LRBA: variants seen among roughly 807,000 people sequenced by gnomAD.
The protein encoded by LRBA is LPS responsive beige-like anchor protein, also known as lipopolysaccharide-responsive and beige-like anchor protein.
A neutral mutation model predicts 330.0 loss-of-function variants in LRBA; 176 were observed. The observed-to-expected ratio is 0.53, with a 90% CI of 0.47 to 0.60. The LOEUF is 0.60. LRBA is among the 20% of genes least tolerant of loss of function. The probability of loss-of-function intolerance (pLI) is 0.00; values close to 1 mark genes in which losing one functional copy is unlikely to be tolerated. For synonymous variants in LRBA, 1,230 were observed against 1,193.0 expected, an observed-to-expected ratio of 1.03 and a Z score of -0.64; for missense variants, 3,259 against 3,444.8, an observed-to-expected ratio of 0.95 and a Z score of 1.35.
chr4:150,643,036 T>C (rs1778827858), intron 37 of LRBA, among the ~76,000 whole-genome samples: 1 of 151,934 alleles, frequency 6.6e-6, no homozygotes, highest in Admixed American at 6.6e-5. Flanking sequence ...ATTTTGTACA[T>C]AGACTCTCTT....
At chr4:150,325,386 A>G (rs1370795480) in intron 49 of LRBA, among the ~76,000 whole-genome samples, 1 of 152,176 alleles carries the variant, frequency 6.6e-6, no homozygotes, top group Non-Finnish European at 1.5e-5. Flanking sequence ...TTCAGTAACA[A>G]TATCTTATGT....
At chr4:150,801,737 G>C (rs1287029258) in intron 33 of LRBA, among the ~76,000 whole-genome samples, 4 of 152,068 alleles carry the variant, frequency 2.6e-5, no homozygotes, top group Non-Finnish European at 5.9e-5. Flanking sequence ...AGTCCTTCCT[G>C]CTAAATAACA....
At chr4:150,804,179 A>G (rs1742202689) in intron 33 of LRBA, among the ~76,000 whole-genome samples, 1 of 152,170 alleles carries the variant, frequency 6.6e-6, no homozygotes, top group African/African-American at 2.4e-5. Flanking sequence ...AAAGTCATTC[A>G]TTACTTCATC....
chr4:150,266,751 T>C (rs1745391630), intron 56 of LRBA, among the ~76,000 whole-genome samples: 1 of 152,116 alleles, frequency 6.6e-6, no homozygotes, highest in African/African-American at 2.4e-5. Context: ...GATTAAATTC[T>C]CCAGCCAAAA....
chr4:150,283,466 T>G (rs559856850), intron 54 of LRBA, among the ~76,000 whole-genome samples: 1 of 152,204 alleles, frequency 6.6e-6, no homozygotes, highest in Non-Finnish European at 1.5e-5. Flanking sequence ...TTCCAAGAGA[T>G]AGTCAGATAA....
chr4:150,926,627 A>C (rs1733912397), intron 4 of LRBA, among the ~76,000 whole-genome samples: 1 of 152,216 alleles, frequency 6.6e-6, no homozygotes. Context: ...AAAGGAGCAA[A>C]ATCAATGAGT....
At chr4:150,504,742 G>A (rs1256956946) in intron 40 of LRBA, among the ~76,000 whole-genome samples, 9 of 152,032 alleles carry the variant, frequency 5.9e-5, no homozygotes, top group Admixed American at 6.6e-5. Flanking sequence ...CACACATAAC[G>A]ACATTAACTT....
intron 54 of LRBA, among the ~76,000 whole-genome samples, chr4:150,283,133 C>T (rs1418288498): frequency 6.6e-6 from 1 of 152,224 alleles, no homozygotes; most frequent in Non-Finnish European, 1.5e-5. Flanking sequence ...CCTTAGCCCT[C>T]TTCCCCCGCA....
intron 36 of LRBA, among the ~76,000 whole-genome samples, chr4:150,716,514 C>T (rs1403002984): frequency 2.0e-5 from 3 of 152,166 alleles, no homozygotes; most frequent in Admixed American, 2.0e-4. Context: ...CGAAGATAAA[C>T]AGATGTTCAA....
chr4:150,911,187 C>A (rs1010946949), intron 9 of LRBA, among the ~76,000 whole-genome samples: 5 of 152,052 alleles, frequency 3.3e-5, no homozygotes, highest in African/African-American at 1.2e-4. Flanking sequence ...CTTTTTCTTG[C>A]CAAATTGCTC....
chr4:150,789,515 G>C (rs868496017), intron 34 of LRBA, among the ~76,000 whole-genome samples: 3 of 152,052 alleles, frequency 2.0e-5, no homozygotes, highest in Non-Finnish European at 4.4e-5. Flanking sequence ...TTTTATCGCA[G>C]CACTAAGTTA....
At chr4:150,449,531 A>G (rs370318723) in intron 44 of LRBA, among the ~76,000 whole-genome samples, 1 of 151,968 alleles carries the variant, frequency 6.6e-6, no homozygotes, top group East Asian at 1.9e-4. Flanking sequence ...GGAAAAAAAA[A>G]AAAAAAACCA....
At chr4:150,510,825 A>G (rs576506507) in intron 40 of LRBA, among the ~76,000 whole-genome samples, 1 of 151,838 alleles carries the variant, frequency 6.6e-6, no homozygotes, top group South Asian at 2.1e-4. Flanking sequence ...TAAACTCTCA[A>G]ATTCTTTTAT....
At chr4:150,296,526 G>A (rs1307937979) in intron 53 of LRBA, among the ~76,000 whole-genome samples, 1 of 152,008 alleles carries the variant, frequency 6.6e-6, no homozygotes, top group Non-Finnish European at 1.5e-5. Flanking sequence ...CTTAGATAAT[G>A]GCCCTGTTAA....
rs750451702 is a variant in LRBA at position 150,583,808 on chromosome 4, G to A, written c.6330+4240C>T. On this transcript the variant is annotated intron_variant, in intron 40 of 56. Coordinates refer to ENST00000651943, the MANE Select transcript of LRBA (RefSeq NM_001364905.1). The surrounding 1 kb of genome is among the most constrained non-coding windows in gnomAD (Gnocchi z 9.8). ...TCAGTGCTGAAGACTCTGCGGGACC[G>A]CCACCTGGAGCTACCCGGCCAGCCG... 1 of 1,614,168 alleles carries A rather than the reference G, an allele frequency of 6.2e-7. No individual in the cohort carries two copies. Among genetic ancestry groups the A allele is most frequent in the Non-Finnish European group, 8.5e-7 (1 of 1,180,028 alleles).
chr4:150,520,755 G>T (rs1423074862), intron 40 of LRBA, among the ~76,000 whole-genome samples: 1 of 152,170 alleles, frequency 6.6e-6, no homozygotes, highest in African/African-American at 2.4e-5. Context: ...TGGACACAAA[G>T]AAGGGAACAA....
intron 40 of LRBA, among the ~76,000 whole-genome samples, chr4:150,502,271 G>T (rs901084767): frequency 6.6e-6 from 1 of 152,166 alleles, no homozygotes; most frequent in Non-Finnish European, 1.5e-5. Context: ...CCACAGAAGT[G>T]GGGGAAAGTT....
chr4:150,664,611 A>G (rs927174983), intron 37 of LRBA, among the ~76,000 whole-genome samples: 10 of 152,230 alleles, frequency 6.6e-5, no homozygotes, highest in Non-Finnish European at 2.9e-5. Context: ...TTCACATATG[A>G]CACAGGAATT....
intron 2 of LRBA, among the ~76,000 whole-genome samples, chr4:150,992,375 C>T (rs1742192531): frequency 6.7e-6 from 1 of 150,040 alleles, no homozygotes; most frequent in Non-Finnish European, 1.5e-5. Flanking sequence ...AGGACCCAAG[C>T]AGAGAGAACA....
Sources: allele counts gnomAD v4.1 joint callset (sites outside exome capture counted in the v4.1 genomes callset), GRCh38; gene constraint gnomAD v4.1.1; non-coding constraint Gnocchi (gnomAD v3.1); transcripts MANE v1.5; gene names NCBI Gene and HGNC (gene_info 2026-07-23, HGNC 2026-07-21).